ME3: variants seen among roughly 807,000 people sequenced by gnomAD.
ME3 encodes the protein malic enzyme 3, also known as NADP-dependent malic enzyme, mitochondrial.
Under a neutral mutation model 68.9 loss-of-function variants are expected in ME3, and 48 were observed. The ratio of observed to expected loss-of-function variants is 0.70; its 90% CI spans 0.55 to 0.89. The LOEUF (loss-of-function observed/expected upper bound fraction) is 0.89, where lower values mean the gene tolerates loss of function less well. Ranked by LOEUF, ME3 falls within the 40% of genes least tolerant of loss-of-function variation. The pLI is 0.00. For missense variants in ME3, 675 were observed against 797.4 expected (o/e 0.85, Z 1.85); for synonymous variants, 320 against 318.8 (o/e 1.00, Z -0.04).
At position 86,625,766 on chromosome 11, in the gene ME3, A is replaced by G. The variant is rs1013349489; in HGVS notation, c.183+45996T>C. 3.3e-5 allele frequency among the ~76,000 whole-genome samples: 5 copies of G among 152,164 alleles called. 1 individual carries two copies. The highest frequency in any genetic ancestry group is 1.2e-4 in the African/African-American group (5 of 41,446). The stretch of plus-strand genomic sequence containing the variant: ...AACTGAAATTAAGAGGCTCTGTAGT[A>G]TAGTATTAATAGTACAGACCCTGAA... On this transcript the variant is annotated intron_variant, in intron 2 of 14. Transcript: ENST00000543262.
chr11:86,492,930 C>T (rs536836464), intron 6 of ME3, among the ~76,000 whole-genome samples: 5 of 152,226 alleles, frequency 3.3e-5, no homozygotes, highest in South Asian at 2.1e-4. Flanking sequence ...TGGGAGGTCA[C>T]GGGATTGGGT....
intron 7 of ME3, among the ~76,000 whole-genome samples, chr11:86,467,557 G>A (rs903294273): frequency 6.6e-6 from 1 of 152,058 alleles, no homozygotes; most frequent in African/African-American, 2.4e-5. Flanking sequence ...AAGATTCCCA[G>A]TGTTGCCCCA....
At chr11:86,614,662 G>T (rs1942829305) in intron 2 of ME3, among the ~76,000 whole-genome samples, 1 of 152,078 alleles carries the variant, frequency 6.6e-6, no homozygotes, top group Non-Finnish European at 1.5e-5. Context: ...CACCAACCAG[G>T]TGCCTATGGA....
intron 5 of ME3, among the ~76,000 whole-genome samples, chr11:86,503,680 G>A (rs2139057680): frequency 6.6e-6 from 1 of 152,318 alleles, no homozygotes; most frequent in African/African-American, 2.4e-5. Context: ...AACACAGACT[G>A]GGCCAATGCA....
intron 6 of ME3, 47 bp from the exon 7 acceptor site, chr11:86,487,487 G>GTTT: frequency 2.1e-5 from 24 of 1,168,334 alleles, no homozygotes; most frequent in East Asian, 2.9e-5. Flanking sequence ...CGGTGTTCCT[G>GTTT]TTTTTTTTTT....
rs1358644252 is a variant in ME3, at chr11:86,645,412, CCG to C, written c.183+26348_183+26349del. Among the ~76,000 whole-genome samples, 34 of 152,254 alleles carry C rather than the reference CCG, an allele frequency of 2.2e-4. No homozygotes were observed. In the South Asian group the frequency reaches 6.7e-3, roughly 30 times the overall value. On this transcript the variant is annotated intron_variant, in intron 2 of 14. Transcript: ENST00000543262. ...CCACCATTTCTGATGCTTGAGTAGG[CCG>C]TTTTCCCCTCACAGTGTAAACAAAG...
rs577216955 is a variant in ME3 at position 86,608,728 on chromosome 11, CTA to C, written c.184-48907_184-48906del. ...AAATAAAGTAAAACTTTACTATTCT[CTA>C]AATACAGTAAGGCTGAGATGAAATA... On this transcript the variant is annotated intron_variant, in intron 2 of 14. Transcript: ENST00000543262. Among the ~76,000 whole-genome samples, 5 of 152,220 alleles carry C rather than the reference CTA, an allele frequency of 3.3e-5. No homozygotes were observed. The South Asian group carries it at 6.2e-4, about 19-fold the overall frequency.
chr11:86,598,895 C>T (rs1205030941), intron 2 of ME3, among the ~76,000 whole-genome samples: 1 of 152,202 alleles, frequency 6.6e-6, no homozygotes, highest in African/African-American at 2.4e-5. Context: ...AGGGTCCTGT[C>T]TGTTAGAAGG....
At chr11:86,651,167 G>A (rs926472505) in intron 2 of ME3, among the ~76,000 whole-genome samples, 1 of 152,206 alleles carries the variant, frequency 6.6e-6, no homozygotes, top group Non-Finnish European at 1.5e-5. Flanking sequence ...CACTTCTGGG[G>A]GCAGGGCATA....
At chr11:86,473,753 A>G (rs949263135) in intron 7 of ME3, among the ~76,000 whole-genome samples, 2 of 151,570 alleles carry the variant, frequency 1.3e-5, no homozygotes, top group Non-Finnish European at 2.9e-5. Flanking sequence ...AGGATTCACA[A>G]GGATGACAGG....
intron 2 of ME3, among the ~76,000 whole-genome samples, chr11:86,626,089 G>A (rs1594712710): frequency 1.3e-5 from 2 of 152,290 alleles, no homozygotes; most frequent in East Asian, 1.9e-4. Context: ...ACATCACGAA[G>A]TTCAGAGAAG....
At position 86,619,476 on chromosome 11, in the gene ME3, T is replaced by C. The variant is rs1225042871; in HGVS notation, c.183+52286A>G. 3.9e-5 allele frequency among the ~76,000 whole-genome samples: 6 copies of C among 152,332 alleles called. No individual in the cohort carries two copies. In the East Asian group the frequency reaches 9.6e-4, roughly 24 times the overall value. ...CCCAAATCTCATCTTGAATTGTAGC[T>C]CCCATAATTCCCACATGTTGTGGGA... On this transcript the variant is annotated intron_variant, in intron 2 of 14. Coordinates refer to ENST00000543262, the Ensembl canonical transcript of ME3.
At chr11:86,441,806 G>C (rs1281904813) in intron 14 of ME3, among the ~76,000 whole-genome samples, 2 of 152,014 alleles carry the variant, frequency 1.3e-5, no homozygotes, top group African/African-American at 2.4e-5. Flanking sequence ...TTAGACAAGA[G>C]GCAAATGTGT....
intron 7 of ME3, among the ~76,000 whole-genome samples, chr11:86,483,407 C>T (rs1422138968): frequency 6.6e-6 from 1 of 152,036 alleles, no homozygotes; most frequent in Non-Finnish European, 1.5e-5. Context: ...TCAGAGAGGC[C>T]AAGGGCTGTC....
Position 86,521,431 on chromosome 11 carries a change from A to ATAATAATAATAAT in ME3, c.468-12565_468-12564insATTATTATTATTA, listed in dbSNP as rs1555221577. Among the ~76,000 whole-genome samples the ATAATAATAATAAT allele has an allele frequency of 1.1e-3, 155 of 145,920 alleles. 1 individual carries two copies. The highest frequency in any genetic ancestry group is 1.8e-3 in the Non-Finnish European group (118 of 66,742). On this transcript the variant is annotated intron_variant, in intron 4 of 14. Transcript: ENST00000543262. ...AACAAAACAAAACAAAACAAAACAA[A>ATAATAATAATAAT]AATAATAATAATAATAATAATAAAA...
intron 2 of ME3, among the ~76,000 whole-genome samples, chr11:86,640,940 GGAA>G (rs1342040042): frequency 6.6e-6 from 1 of 151,892 alleles, no homozygotes; most frequent in Non-Finnish European, 1.5e-5. Flanking sequence ...GGAAAGATGG[GGAA>G]GAAGGTGTTC....
At chr11:86,528,501 T>G (rs571280214) in intron 4 of ME3, among the ~76,000 whole-genome samples, 1 of 152,070 alleles carries the variant, frequency 6.6e-6, no homozygotes, top group Non-Finnish European at 1.5e-5. Context: ...CTGCACCAAG[T>G]GGACCTAATA....
chr11:86,549,187 AC>A lies in ME3; in HGVS notation c.467+7365del, dbSNP rs1230002159. On this transcript the variant is annotated intron_variant, in intron 4 of 14. Transcript: ENST00000543262. The stretch of plus-strand genomic sequence containing the variant: ...CTTTTTCAGTTTGGCTGTTCTAGTT[AC>A]CTAAGGCAGAAGTTCACTTAAGTTA... 5.9e-5 allele frequency among the ~76,000 whole-genome samples: 9 copies of A among 152,316 alleles called. No individual in the cohort carries two copies. The East Asian group carries it at 1.5e-3, about 26-fold the overall frequency.
intron 8 of ME3, chr11:86,462,731 T>C (rs1192984478): frequency 5.5e-6 from 3 of 548,764 alleles, no homozygotes; most frequent in Non-Finnish European, 9.6e-6. Flanking sequence ...GCTTATTATC[T>C]TCTGGGAAGG....
Sources: gnomAD v4.1 joint callset for allele counts (sites outside exome capture counted in the v4.1 genomes callset) on GRCh38, gnomAD v4.1.1 for gene constraint, MANE v1.5 for transcripts, NCBI Gene and HGNC (gene_info 2026-07-23, HGNC 2026-07-21) for gene names.